REV3L: variants seen among roughly 807,000 people sequenced by gnomAD.
REV3L encodes DNA polymerase zeta catalytic subunit.
A neutral mutation model predicts 299.4 loss-of-function variants in REV3L; 69 were observed. That is an observed-to-expected ratio of 0.23 (90% CI 0.19 to 0.28). REV3L has a LOEUF of 0.28. REV3L is among the 10% of genes least tolerant of loss of function. The pLI is 1.00. For synonymous variants in REV3L, 1,238 were observed against 1,271.4 expected, an observed-to-expected ratio of 0.97 and a Z score of 0.56; for missense variants, 3,128 against 3,693.8, an observed-to-expected ratio of 0.85 and a Z score of 3.97.
At chr6:111,361,697 C>T (rs1377706505) in intron 16 of REV3L, 1 of 152,012 alleles carries the variant, frequency 6.6e-6, no homozygotes, top group Non-Finnish European at 1.5e-5. Flanking sequence ...AAGATTACAA[C>T]CCTTGTCTTC....
intron 6 of REV3L, 96 bp from the exon 7 acceptor site, chr6:111,389,306 C>A (rs1781665503): frequency 1.2e-6 from 1 of 861,004 alleles, no homozygotes; most frequent in African/African-American, 1.7e-5. Flanking sequence ...TTTAAAAAAA[C>A]CAATCACATA....
rs1305356930 is a variant in REV3L at position 111,356,932 on chromosome 6, ACTTTT to A, written c.7184+77_7184+81del. On this transcript the variant is annotated intron_variant, in intron 18 of 31. Coordinates refer to ENST00000368802, the MANE Select transcript of REV3L (RefSeq NM_001372078.1). ...AGGGATTCGCTTTCTTCCTACCTTT[ACTTTT>A]ATCTTCACTATTATCTGCAATAGCA... is the stretch of plus-strand genomic sequence containing the variant. 9.2e-6 allele frequency: 6 copies of A among 651,432 alleles called. No homozygotes were observed. In the Admixed American group the frequency reaches 1.0e-4, roughly 11 times the overall value. The allele number at this position is 651,432 out of a possible 1,614,324, so 40.4% of individuals were successfully genotyped here.
chr6:111,472,819 C>G (rs563513534), intron 1 of REV3L, among the ~76,000 whole-genome samples: 2 of 152,004 alleles, frequency 1.3e-5, no homozygotes, highest in Admixed American at 1.3e-4. Context: ...ACACACACAC[C>G]AAACAAAAAC....
intron 1 of REV3L, among the ~76,000 whole-genome samples, chr6:111,450,691 A>G (rs1014148302): frequency 5.3e-5 from 8 of 152,140 alleles, no homozygotes; most frequent in African/African-American, 1.9e-4. Flanking sequence ...TATGGAGAGG[A>G]AGAAAGTAAT....
chr6:111,327,607 A>AT (rs967976911), intron 25 of REV3L, among the ~76,000 whole-genome samples: 241 of 147,856 alleles, frequency 1.6e-3, no homozygotes, highest in African/African-American at 4.9e-3. Flanking sequence ...TATCATTTCC[A>AT]TTTTTTTTTT....
chr6:111,402,277 A>C (rs1192087137), intron 4 of REV3L, among the ~76,000 whole-genome samples: 5 of 152,094 alleles, frequency 3.3e-5, no homozygotes. Context: ...ACTGAAAAAA[A>C]AATGTCTGAA....
intron 26 of REV3L, among the ~76,000 whole-genome samples, chr6:111,319,799 C>G (rs1773936285): frequency 6.6e-6 from 1 of 151,868 alleles, no homozygotes; most frequent in Admixed American, 6.6e-5. Context: ...GAAAGAGAAT[C>G]CAGGTCTCCT....
At chr6:111,463,959 T>C (rs866749995) in intron 1 of REV3L, among the ~76,000 whole-genome samples, 14 of 152,176 alleles carry the variant, frequency 9.2e-5, no homozygotes, top group African/African-American at 3.1e-4. Context: ...TGACGCAGCA[T>C]AGCTGTCTTC....
In REV3L at chr6:111,374,000, C is replaced by T; in HGVS notation, c.4355G>A (p.Ser1452Asn). 1.2e-6 allele frequency: 2 copies of T among 1,614,128 alleles called. No individual in the cohort carries two copies. Among genetic ancestry groups the T allele is most frequent in the Non-Finnish European group, 1.7e-6 (2 of 1,179,988 alleles). ...TACAAAGCAATTATTAGGCATTTGG[C>T]TTTCCTCTGAAGCTGTATTTCCCGG... ...CSPGNTASEE[S>N]QMPNNCFVTS... is the part of the protein sequence containing the mutation. Residue 1452 changes from serine to asparagine, a missense_variant, in exon 13 of 32, where the codon AGC (serine) becomes AAC (asparagine). By Grantham distance (46) the Ser-to-Asn change is conservative. This residue lies in a region of REV3L where 2,409 missense variants were observed against 2,611.8 expected (regional missense o/e 0.92). Transcript: ENST00000368802.
At chr6:111,365,814 AAG>A (rs1286738239) in intron 14 of REV3L, among the ~76,000 whole-genome samples, 1 of 152,182 alleles carries the variant, frequency 6.6e-6, no homozygotes, top group Non-Finnish European at 1.5e-5. Context: ...GTAAAATCTG[AAG>A]AGAGTAGTAA....
chr6:111,385,791 T>C lies in REV3L; in HGVS notation c.1096+1974A>G, dbSNP rs181141965. Among the ~76,000 whole-genome samples the C allele has an allele frequency of 4.8e-3, 732 of 152,076 alleles. 8 individuals are homozygous for C. The highest frequency in any genetic ancestry group is 0.016 in the African/African-American group (673 of 41,516). On this transcript the variant is annotated intron_variant, in intron 9 of 31. Transcript: ENST00000368802. ...AATAAGAAAAAGACAAATGACTCAA[T>C]AGAAAATAAGCACAAAATGTAATTC...
At chr6:111,483,573 G>T (rs1454753142), upstream of REV3L, 2 of 471,862 alleles carry the variant, frequency 4.2e-6, no homozygotes, top group Admixed American at 4.8e-5. Flanking sequence ...TGCAGGATTG[G>T]CAGGAGCTGC....
Position 111,365,258 on chromosome 6 carries a change from T to C in REV3L, c.6753+7A>G. 6.9e-7 allele frequency: 1 copy of C among 1,439,596 alleles called. No individual in the cohort carries two copies. Among genetic ancestry groups the C allele is most frequent in the South Asian group, 1.3e-5 (1 of 74,294 alleles). 89.2% of individuals were successfully genotyped at this position (1,439,596 alleles called of 1,614,324 possible). On this transcript the variant is annotated splice_region_variant and intron_variant, in intron 15 of 31. Transcript: ENST00000368802. ...CACTGATCTTTAAAAATGTTTAGTA[T>C]AGTTACCTTTGCTTGTGTTAACAGT...
In REV3L at chr6:111,390,197, T is replaced by TA. The variant is rs764342201; in HGVS notation, c.663-18dup. 4.9e-6 allele frequency: 7 copies of TA among 1,437,914 alleles called. No individual in the cohort carries two copies. The Admixed American group carries it at 6.8e-5, about 14-fold the overall frequency. The allele number at this position is 1,437,914 out of a possible 1,614,324, so 89.1% of individuals were successfully genotyped here. A position where few individuals can be genotyped will look rare whatever the true frequency, so the allele number is the denominator to read the frequency against. On this transcript the variant is annotated splice_polypyrimidine_tract_variant and intron_variant, in intron 5 of 31. Coordinates refer to ENST00000368802, the MANE Select transcript of REV3L (RefSeq NM_001372078.1). ...ATTAAAGAGCTGCAATTAAAGGATA[T>TA]AAAAAACATAATAATTATGTGAGAG...
intron 29 of REV3L, 163 bp downstream of exon 29, chr6:111,310,906 T>TA: frequency 2.1e-6 from 1 of 471,900 alleles, no homozygotes; most frequent in Non-Finnish European, 3.6e-6. Flanking sequence ...CTTCACATCT[T>TA]ACGAAGTATG....
intron 1 of REV3L, among the ~76,000 whole-genome samples, chr6:111,462,766 A>C (rs1790952445): frequency 6.6e-6 from 1 of 152,328 alleles, no homozygotes; most frequent in South Asian, 2.1e-4. Context: ...AGATGTGCTC[A>C]TATTTATAAT....
At chr6:111,363,061 T>A (rs1158177669) in intron 16 of REV3L, among the ~76,000 whole-genome samples, 1 of 152,244 alleles carries the variant, frequency 6.6e-6, no homozygotes, top group Non-Finnish European at 1.5e-5. Flanking sequence ...ATTCACATAT[T>A]CTTTCCAATG....
rs1238644370 is a variant in REV3L, at chr6:111,354,633, T to C, written c.7184+2381A>G. ...AAGTTCAAAAGCCAAAGGATTCCAT[T>C]TTTCCTCTCTAAAAACATTTGGAGA... On this transcript the variant is annotated intron_variant, in intron 18 of 31. Transcript: ENST00000368802. Among the ~76,000 whole-genome samples the C allele has an allele frequency of 2.0e-5, 3 of 152,142 alleles. No homozygotes were observed. The East Asian group carries it at 5.8e-4, about 29-fold the overall frequency.
Position 111,390,100 on chromosome 6 carries a change from C to T in REV3L, c.743G>A (p.Arg248His), listed in dbSNP as rs780501456. 23 of 1,603,566 alleles carry T rather than the reference C, an allele frequency of 1.4e-5. No individual in the cohort carries two copies. Among genetic ancestry groups the T allele is most frequent in the South Asian group, 1.2e-4 (11 of 90,810 alleles). The change falls in exon 6 of 32, where the codon CGT (arginine) becomes CAT (histidine). Residue 248 changes from arginine to histidine, a missense_variant. Transcript: ENST00000368802. ...TGTGTATGAACCTTCAATGTCCAGA[C>T]GATTTAAGATATCAGCAGCTACAGC... ...VDAVAADILN[R>H]LDIEAQIGGN...
Sources: gnomAD v4.1 joint callset for allele counts (sites outside exome capture counted in the v4.1 genomes callset) on GRCh38, gnomAD v4.1.1 for gene constraint, gnomAD v4.1.1 regional missense constraint, MANE v1.5 for transcripts, NCBI Gene and HGNC (gene_info 2026-07-23, HGNC 2026-07-21) for gene names.